Variants in EYS observed in about 807,000 individuals in gnomAD.
The protein encoded by EYS is EGF-like photoreceptor maintenance factor, also known as protein eyes shut homolog.
A neutral mutation model predicts 282.1 loss-of-function variants in EYS; 250 were observed. The ratio of observed to expected loss-of-function variants is 0.89; its 90% CI spans 0.80 to 0.98. EYS has a LOEUF of 0.98. Among genes scored for constraint, EYS ranks in the 50% least tolerant of loss-of-function variants. The pLI, the probability that EYS is intolerant of heterozygous loss-of-function variation, is 0.00. For synonymous variants in EYS, 1,355 were observed against 1,282.9 expected (o/e 1.06, Z -1.20); for missense variants, 4,016 against 3,709.0 (o/e 1.08, Z -2.15).
chr6:63,831,129 C>T lies in EYS; in HGVS notation c.7229-24757G>A, dbSNP rs907838662. On this transcript the variant is annotated intron_variant, in intron 36 of 42. Coordinates refer to ENST00000503581, the MANE Select transcript of EYS (RefSeq NM_001142800.2). Reference sequence around the variant, plus strand: ...GCAAAAACATGCCAAATTGTAAAGACCATTGATGCTAAGAAGAAACTGCAT... The same window carrying T: ...GCAAAAACATGCCAAATTGTAAAGATCATTGATGCTAAGAAGAAACTGCAT... Among the ~76,000 whole-genome samples, 6 of 152,266 alleles carry T rather than the reference C, an allele frequency of 3.9e-5. No individual in the cohort carries two copies. In the East Asian group the frequency reaches 1.2e-3, roughly 29 times the overall value.
chr6:65,467,294 G>A (rs1765037378), intron 5 of EYS, among the ~76,000 whole-genome samples: 2 of 152,066 alleles, frequency 1.3e-5, no homozygotes, highest in Admixed American at 1.3e-4. Flanking sequence ...CTAATCATAT[G>A]CAGAGAAACT....
At chr6:64,403,984 G>A (rs1203083509) in intron 28 of EYS, among the ~76,000 whole-genome samples, 3 of 152,148 alleles carry the variant, frequency 2.0e-5, no homozygotes, top group Non-Finnish European at 4.4e-5. Flanking sequence ...CTTGTGTAGG[G>A]CTTACCTTGA....
chr6:64,890,092 G>A (rs1356284616), intron 18 of EYS, among the ~76,000 whole-genome samples: 1 of 149,670 alleles, frequency 6.7e-6, no homozygotes, highest in Admixed American at 6.6e-5. Context: ...GAGACTGCAG[G>A]GGTAAAATAG....
rs570333628 is a variant in EYS at position 65,147,484 on chromosome 6, A to G, written c.2024-89757T>C. On this transcript the variant is annotated intron_variant, in intron 12 of 42. Coordinates refer to ENST00000503581, the MANE Select transcript of EYS (RefSeq NM_001142800.2). ...TCTTCCAGGCAGTTATTTGCAAGATACAAGTTCACTATTATTATATATTTC... is the reference window on the plus strand; with the variant it reads ...TCTTCCAGGCAGTTATTTGCAAGATGCAAGTTCACTATTATTATATATTTC... Among the ~76,000 whole-genome samples, 6 of 152,194 alleles carry G rather than the reference A, an allele frequency of 3.9e-5. No individual in the cohort carries two copies. The South Asian group carries it at 8.3e-4, about 21-fold the overall frequency.
At chr6:64,655,302 T>C (rs1194808321) in intron 22 of EYS, among the ~76,000 whole-genome samples, 2 of 152,060 alleles carry the variant, frequency 1.3e-5, no homozygotes, top group Non-Finnish European at 1.5e-5. Flanking sequence ...ATTTTTTATT[T>C]TGATAAAATA....
chr6:64,192,857 T>C (rs1024274497), intron 31 of EYS, among the ~76,000 whole-genome samples: 2 of 152,206 alleles, frequency 1.3e-5, no homozygotes, highest in Non-Finnish European at 2.9e-5. Flanking sequence ...CTAATTGCCC[T>C]TGCATAATTT....
intron 2 of EYS, among the ~76,000 whole-genome samples, chr6:65,618,825 C>A (rs1387014282): frequency 6.6e-6 from 1 of 152,088 alleles, no homozygotes; most frequent in Non-Finnish European, 1.5e-5. Flanking sequence ...TTCCCCATTG[C>A]TTGTTTTTCT....
At chr6:65,119,350 A>G (rs1775461632) in intron 12 of EYS, among the ~76,000 whole-genome samples, 1 of 152,174 alleles carries the variant, frequency 6.6e-6, no homozygotes. Flanking sequence ...ATCTTATACC[A>G]AGGCACAAGG....
intron 12 of EYS, among the ~76,000 whole-genome samples, chr6:65,281,219 TG>T (rs1366392136): frequency 1.3e-5 from 2 of 151,954 alleles, no homozygotes; most frequent in Non-Finnish European, 2.9e-5. Context: ...ACTTATATTT[TG>T]TTTTCTATTT....
At chr6:65,100,285 A>G (rs1774857481) in intron 12 of EYS, among the ~76,000 whole-genome samples, 1 of 150,880 alleles carries the variant, frequency 6.6e-6, no homozygotes, top group Non-Finnish European at 1.5e-5. Context: ...TTTTGTCCTT[A>G]ATAAATAAAA....
intron 26 of EYS, among the ~76,000 whole-genome samples, chr6:64,480,959 T>C (rs1436642339): frequency 1.3e-5 from 2 of 151,800 alleles, no homozygotes; most frequent in East Asian, 3.9e-4. Flanking sequence ...TTGATTCAAA[T>C]TAAAGTCAGA....
At chr6:63,949,566 T>C (rs2149763939) in intron 35 of EYS, among the ~76,000 whole-genome samples, 1 of 152,332 alleles carries the variant, frequency 6.6e-6, no homozygotes, top group South Asian at 2.1e-4. Flanking sequence ...ATTTATTCAT[T>C]CATTCAATAA....
At chr6:64,054,438 A>G (rs943539576) in intron 33 of EYS, among the ~76,000 whole-genome samples, 1 of 152,142 alleles carries the variant, frequency 6.6e-6, no homozygotes, top group Admixed American at 6.6e-5. Context: ...TATGGCTTCA[A>G]TGGAGTGGCA....
intron 21 of EYS, among the ~76,000 whole-genome samples, chr6:64,820,542 A>C (rs1764870005): frequency 6.6e-6 from 1 of 152,162 alleles, no homozygotes; most frequent in African/African-American, 2.4e-5. Context: ...AATAACTTTC[A>C]CTATCCAGAA....
intron 11 of EYS, among the ~76,000 whole-genome samples, chr6:65,328,763 A>G (rs1436927079): frequency 6.6e-6 from 1 of 151,164 alleles, no homozygotes; most frequent in African/African-American, 2.4e-5. Flanking sequence ...TTTATCATTT[A>G]TGTTTTTAAT....
At chr6:65,020,227 C>T (rs893760145) in intron 13 of EYS, among the ~76,000 whole-genome samples, 2 of 152,092 alleles carry the variant, frequency 1.3e-5, no homozygotes, top group Non-Finnish European at 2.9e-5. Flanking sequence ...AAGTCCAATC[C>T]AAAGTCTCAT....
Position 64,626,172 on chromosome 6 carries a change from C to A in EYS, c.3517G>T (p.Gly1173Cys), listed in dbSNP as rs1767603210. Residue 1173 changes from glycine to cysteine, a missense_variant, in exon 23 of 43, where the codon GGT becomes TGT. Coordinates refer to ENST00000503581, the MANE Select transcript of EYS (RefSeq NM_001142800.2). ...NECSSSPCLH[G>C]ADCEDHINGY... ...TTGATGTGATCTTCACAGTCTGCACCATGTAGACATGGTGATGAAGAGCAT... is the reference window on the plus strand; with the variant it reads ...TTGATGTGATCTTCACAGTCTGCACAATGTAGACATGGTGATGAAGAGCAT... The A allele has an allele frequency of 7.1e-6, 11 of 1,544,242 alleles. No individual in the cohort carries two copies. The highest frequency in any genetic ancestry group is 9.6e-6 in the Non-Finnish European group (11 of 1,145,080).
intron 12 of EYS, among the ~76,000 whole-genome samples, chr6:65,215,793 C>A (rs377130548): frequency 5.8e-4 from 88 of 152,222 alleles, no homozygotes; most frequent in African/African-American, 1.8e-3. Flanking sequence ...TAGCCAGCAG[C>A]CATCAACATT....
At chr6:64,287,111 G>C (rs1768530739) in intron 30 of EYS, among the ~76,000 whole-genome samples, 1 of 152,048 alleles carries the variant, frequency 6.6e-6, no homozygotes, top group Non-Finnish European at 1.5e-5. Flanking sequence ...TTGTTCATTA[G>C]AAGTTAAAAC....
Sources: gnomAD v4.1 joint callset for allele counts (sites outside exome capture counted in the v4.1 genomes callset) on GRCh38, gnomAD v4.1.1 for gene constraint, MANE v1.5 for transcripts, NCBI Gene and HGNC (gene_info 2026-07-23, HGNC 2026-07-21) for gene names.